MAP7: variants seen among roughly 807,000 people sequenced by gnomAD.
The protein encoded by MAP7 is microtubule associated protein 7.
A neutral mutation model predicts 94.8 loss-of-function variants in MAP7; 52 were observed. The ratio of observed to expected loss-of-function variants is 0.55; its 90% CI spans 0.44 to 0.69. The LOEUF is 0.69. Among genes scored for constraint, MAP7 ranks in the 30% least tolerant of loss-of-function variants. The pLI, the probability that MAP7 is intolerant of heterozygous loss-of-function variation, is 0.00. For missense variants in MAP7, 940 were observed against 964.6 expected (o/e 0.97, Z 0.34); for synonymous variants, 350 against 357.0 (o/e 0.98, Z 0.22).
intron 1 of MAP7, among the ~76,000 whole-genome samples, chr6:136,505,269 GTGTGTGTGTATATATATATATATATA>G (rs1308933782): frequency 5.6e-4 from 56 of 99,468 alleles, no homozygotes; most frequent in African/African-American, 2.6e-3. Context: ...GTGTGTGTGT[GTGTGTGTGTATATATATATATATATA>G]TATATATATA....
intron 1 of MAP7, among the ~76,000 whole-genome samples, chr6:136,543,543 G>A (rs535387663): frequency 4.1e-4 from 62 of 152,212 alleles, no homozygotes; most frequent in African/African-American, 1.5e-3. Context: ...ACAGCTATCC[G>A]GGAGGCTGAG....
chr6:136,369,774 G>C (rs771223035), intron 8 of MAP7, among the ~76,000 whole-genome samples: 1 of 151,994 alleles, frequency 6.6e-6, no homozygotes, highest in Non-Finnish European at 1.5e-5. Flanking sequence ...AACTCAAAAT[G>C]GATTAAAGAC....
Position 136,343,964 on chromosome 6 carries a change from A to G in MAP7, c.*264T>C, listed in dbSNP as rs1787032689. 3 of 251,194 alleles carry G rather than the reference A, an allele frequency of 1.2e-5. No individual in the cohort carries two copies. Among genetic ancestry groups the G allele is most frequent in the South Asian group, 3.5e-4 (2 of 5,684 alleles). The allele number at this position is 251,194 out of a possible 1,614,324, so 15.6% of individuals were successfully genotyped here. On this transcript the variant is annotated 3_prime_UTR_variant, in exon 18 of 18. Transcript: ENST00000354570. ...TGTCTTTTAAAGAATGCAGAAAAAT[A>G]TTGATTGCTAAGAAGGAGCACACTG...
intron 1 of MAP7, among the ~76,000 whole-genome samples, chr6:136,506,131 G>T (rs1446006114): frequency 6.6e-6 from 1 of 152,058 alleles, no homozygotes; most frequent in Non-Finnish European, 1.5e-5. Flanking sequence ...TGTTTTCCTA[G>T]AAAACCTTTT....
chr6:136,376,219 C>A (rs1490995196), intron 7 of MAP7, among the ~76,000 whole-genome samples: 1 of 152,176 alleles, frequency 6.6e-6, no homozygotes, highest in Non-Finnish European at 1.5e-5. Context: ...CTGCCTCAGC[C>A]TCCACAGTAG....
Position 136,361,092 on chromosome 6 carries a change from C to T in MAP7, c.1614G>A (p.Gln538=), listed in dbSNP as rs1436161678. 4 of 1,604,670 alleles carry T rather than the reference C, an allele frequency of 2.5e-6. No homozygotes were observed. Among genetic ancestry groups the T allele is most frequent in the Non-Finnish European group, 3.4e-6 (4 of 1,179,690 alleles). ...GCAGCTGCTCCTCCTTCTCCCGGGC[C>T]TGCTCGGCTTCCAGCCTGCGCGACT... ...EEESRRLEAE[Q]AREKEEQLQR... Residue 538 remains glutamine, a synonymous_variant, in exon 12 of 18, where the codon CAG becomes CAA. Coordinates refer to ENST00000354570, the MANE Select transcript of MAP7 (RefSeq NM_003980.6).
intron 1 of MAP7, among the ~76,000 whole-genome samples, chr6:136,483,143 A>AAAAAG (rs1813468079): frequency 6.6e-6 from 1 of 151,420 alleles, no homozygotes; most frequent in African/African-American, 2.4e-5. Context: ...AAAAAAAAAA[A>AAAAAG]AAAAGAAAAG....
chr6:136,374,197 G>A (rs961742305), intron 7 of MAP7, among the ~76,000 whole-genome samples: 1 of 152,144 alleles, frequency 6.6e-6, no homozygotes, highest in Non-Finnish European at 1.5e-5. Context: ...CTGACATAAA[G>A]CTTTACTTCC....
chr6:136,436,241 T>G (rs930911080), intron 1 of MAP7, among the ~76,000 whole-genome samples: 2 of 152,192 alleles, frequency 1.3e-5, no homozygotes, highest in African/African-American at 4.8e-5. Flanking sequence ...CAATTAATAC[T>G]TTTGGATAAA....
chr6:136,464,077 T>C (rs142547293), intron 1 of MAP7, among the ~76,000 whole-genome samples: 9 of 152,332 alleles, frequency 5.9e-5, no homozygotes, highest in Non-Finnish European at 1.0e-4. Flanking sequence ...AGAGATGTTA[T>C]TCGGCCTGTG....
chr6:136,398,824 G>T (rs1783253147), intron 3 of MAP7, among the ~76,000 whole-genome samples: 1 of 152,150 alleles, frequency 6.6e-6, no homozygotes, highest in South Asian at 2.1e-4. Flanking sequence ...CAGCTAACAG[G>T]AAGAAACTCA....
chr6:136,425,463 T>C (rs981922356), intron 1 of MAP7, among the ~76,000 whole-genome samples: 1 of 152,206 alleles, frequency 6.6e-6, no homozygotes, highest in Non-Finnish European at 1.5e-5. Flanking sequence ...TAAAAAATGG[T>C]TAAAATTTAA....
chr6:136,400,357 A>C (rs1173416949), intron 3 of MAP7, among the ~76,000 whole-genome samples: 2 of 151,624 alleles, frequency 1.3e-5, no homozygotes, highest in Non-Finnish European at 2.9e-5. Context: ...CGGAGGTTGC[A>C]GTGAGCCAAG....
intron 1 of MAP7, among the ~76,000 whole-genome samples, chr6:136,537,907 G>A (rs1348175720): frequency 6.6e-6 from 1 of 151,736 alleles, no homozygotes; most frequent in African/African-American, 2.4e-5. Context: ...TCAGCATCCC[G>A]AGTAGCTGGG....
chr6:136,406,520 T>C (rs1472636777), intron 3 of MAP7, among the ~76,000 whole-genome samples: 1 of 152,146 alleles, frequency 6.6e-6, no homozygotes, highest in Non-Finnish European at 1.5e-5. Flanking sequence ...ACTAAAATCA[T>C]GCTTAAAAAG....
chr6:136,452,740 A>C (rs1313295046), intron 1 of MAP7, among the ~76,000 whole-genome samples: 1 of 152,118 alleles, frequency 6.6e-6, no homozygotes, highest in Admixed American at 6.5e-5. Flanking sequence ...TTTAGTAGAG[A>C]TAGGGTTTCA....
intron 17 of MAP7, among the ~76,000 whole-genome samples, chr6:136,344,938 T>C (rs1304614247): frequency 6.6e-6 from 1 of 152,214 alleles, no homozygotes; most frequent in African/African-American, 2.4e-5. Context: ...CACAAATAAT[T>C]CTGTATTGTC....
At chr6:136,374,737 T>C (rs933275653) in intron 7 of MAP7, among the ~76,000 whole-genome samples, 34 of 152,174 alleles carry the variant, frequency 2.2e-4, no homozygotes, top group African/African-American at 7.5e-4. Context: ...CTAGCTAGTA[T>C]AGTCCATAGA....
chr6:136,444,582 C>T (rs1354006265), intron 1 of MAP7, among the ~76,000 whole-genome samples: 3 of 152,146 alleles, frequency 2.0e-5, no homozygotes, highest in Non-Finnish European at 4.4e-5. Context: ...TAATAATTTT[C>T]AGTGGTATAG....
Sources: gnomAD v4.1 joint callset for allele counts (sites outside exome capture counted in the v4.1 genomes callset) on GRCh38, gnomAD v4.1.1 for gene constraint, MANE v1.5 for transcripts, NCBI Gene and HGNC (gene_info 2026-07-23, HGNC 2026-07-21) for gene names.